KCNQ2: variants seen among roughly 807,000 people sequenced by gnomAD.
The protein encoded by KCNQ2 is potassium voltage-gated channel subfamily KQT member 2.
A neutral mutation model predicts 84.8 loss-of-function variants in KCNQ2; 14 were observed. That is an observed-to-expected ratio of 0.17 (90% CI 0.11 to 0.26). The LOEUF (loss-of-function observed/expected upper bound fraction) is 0.26, where lower values mean the gene tolerates loss of function less well. Ranked by LOEUF, KCNQ2 falls within the 10% of genes least tolerant of loss-of-function variation. KCNQ2 has a pLI of 1.00. For synonymous variants in KCNQ2, 599 were observed against 554.1 expected, an observed-to-expected ratio of 1.08 and a Z score of -1.14; for missense variants, 788 against 1,254.0, an observed-to-expected ratio of 0.63 and a Z score of 5.61.
At chr20:63,435,923 G>A (rs1247613432) in intron 7 of KCNQ2, among the ~76,000 whole-genome samples, 1 of 151,506 alleles carries the variant, frequency 6.6e-6, no homozygotes, top group Non-Finnish European at 1.5e-5. Flanking sequence ...GGCCACAGTG[G>A]TTCATCTCTG....
chr20:63,454,337 T>C (rs939970635), intron 1 of KCNQ2, among the ~76,000 whole-genome samples: 13 of 152,146 alleles, frequency 8.5e-5, no homozygotes, highest in African/African-American at 3.1e-4. Flanking sequence ...ACTTTTGTTT[T>C]TTAAGTTTTT....
intron 12 of KCNQ2, among the ~76,000 whole-genome samples, chr20:63,417,926 T>C (rs1489494164): frequency 1.3e-5 from 2 of 152,190 alleles, no homozygotes; most frequent in Non-Finnish European, 2.9e-5. Context: ...GGAAGGAGCC[T>C]GCCCTGGCCT....
At chr20:63,409,642 G>A (rs1036045300) in intron 15 of KCNQ2, among the ~76,000 whole-genome samples, 11 of 152,228 alleles carry the variant, frequency 7.2e-5, no homozygotes, top group African/African-American at 2.2e-4. Context: ...AAGCTCCCAA[G>A]TCTCCCCTGG....
chr20:63,432,369 T>C (rs139838207), intron 8 of KCNQ2, among the ~76,000 whole-genome samples: 2,634 of 86,658 alleles, frequency 0.03, 4 homozygotes, highest in Middle Eastern at 0.079. Context: ...CAGGGAAGGC[T>C]CCACCCTCTG....
intron 4 of KCNQ2, among the ~76,000 whole-genome samples, chr20:63,442,902 C>G (rs1253402984): frequency 8.2e-5 from 2 of 24,254 alleles, no homozygotes; most frequent in African/African-American, 1.6e-4. Context: ...ACCACCATCA[C>G]CACCACCATC....
chr20:63,446,878 G>C lies in KCNQ2; in HGVS notation c.297-41C>G, dbSNP rs748339693. 1.9e-6 allele frequency: 3 copies of C among 1,554,064 alleles called. No homozygotes were observed. In the South Asian group the frequency reaches 3.3e-5, roughly 17 times the overall value. ...GCGCGCTCTCAGACAGGCCGCAGCA[G>C]GGCAGCAGCATGGCTGTGTCTCCAG... On this transcript the variant is annotated intron_variant, in intron 1 of 16. Transcript: ENST00000359125. The surrounding 1 kb of genome is among the most constrained non-coding windows in gnomAD (Gnocchi z 5.5).
chr20:63,431,340 C>G lies in KCNQ2; in HGVS notation c.1148G>C (p.Arg383Thr). 6.2e-7 allele frequency: 1 copy of G among 1,613,690 alleles called. No homozygotes were observed. The highest frequency in any genetic ancestry group is 8.5e-7 in the Non-Finnish European group (1 of 1,179,832). ...SSQTQTYGAS[R>T]LIPPLNQLEL... Reference sequence around the variant, plus strand: ...GGGCTTCTGTCCATGCATTTCCTACCTGGAGGCCCCGTAGGTTTGAGTTTG... The same window carrying G: ...GGGCTTCTGTCCATGCATTTCCTACGTGGAGGCCCCGTAGGTTTGAGTTTG... The change falls in exon 9 of 17, where the codon AGA becomes ACA. Residue 383 changes from arginine (R) to threonine (T), a missense_variant and splice_region_variant. Coordinates refer to ENST00000359125, the MANE Select transcript of KCNQ2 (RefSeq NM_172107.4).
At chr20:63,462,978 T>C (rs1240059197) in intron 1 of KCNQ2, among the ~76,000 whole-genome samples, 3 of 151,910 alleles carry the variant, frequency 2.0e-5, no homozygotes, top group South Asian at 2.1e-4. Flanking sequence ...GGTACGGAGA[T>C]GGGGCAGCGC....
intron 7 of KCNQ2, among the ~76,000 whole-genome samples, chr20:63,436,848 C>T (rs1156514207): frequency 6.8e-6 from 1 of 146,846 alleles, no homozygotes; most frequent in Non-Finnish European, 1.5e-5. Flanking sequence ...GCAATCTCGG[C>T]TCACTGCAAC....
At chr20:63,462,529 C>A (rs567064830) in intron 1 of KCNQ2, among the ~76,000 whole-genome samples, 148 of 152,320 alleles carry the variant, frequency 9.7e-4, no homozygotes, top group African/African-American at 3.4e-3. Flanking sequence ...CCTGCACACA[C>A]CTTCTGTCTC....
chr20:63,426,833 C>T (rs1307012849), intron 10 of KCNQ2, among the ~76,000 whole-genome samples: 2 of 152,182 alleles, frequency 1.3e-5, no homozygotes, highest in East Asian at 1.9e-4. Flanking sequence ...CTCTTCAGGA[C>T]ACCTCAGTTT....
chr20:63,412,396 GCA>G (rs951253479), intron 15 of KCNQ2: 8 of 166,488 alleles, frequency 4.8e-5, no homozygotes, highest in Non-Finnish European at 9.0e-5. Context: ...AGGGCGTTCC[GCA>G]CACACACGCA....
intron 4 of KCNQ2, among the ~76,000 whole-genome samples, chr20:63,443,436 C>CCATCAT (rs2081315410): frequency 8.3e-5 from 5 of 60,258 alleles, no homozygotes; most frequent in Admixed American, 1.9e-4. Flanking sequence ...ATCACCATCA[C>CCATCAT]CATCACCACC....
chr20:63,462,344 T>C (rs1283567884), intron 1 of KCNQ2, among the ~76,000 whole-genome samples: 177 of 92,952 alleles, frequency 1.9e-3, no homozygotes, highest in Middle Eastern at 0.016. Context: ...GGAGGCTGCA[T>C]CTACCCCAGG....
At chr20:63,443,027 A>AT (rs1568935694) in intron 4 of KCNQ2, among the ~76,000 whole-genome samples, 1 of 29,388 alleles carries the variant, frequency 3.4e-5, no homozygotes, top group Non-Finnish European at 7.0e-5. Flanking sequence ...CACCACCATC[A>AT]CATCACCACC....
At chr20:63,451,401 C>T (rs564307270) in intron 1 of KCNQ2, among the ~76,000 whole-genome samples, 15 of 152,252 alleles carry the variant, frequency 9.9e-5, no homozygotes, top group Non-Finnish European at 1.8e-4. Flanking sequence ...CGGCAATATA[C>T]GGTCTGCAAC....
intron 8 of KCNQ2, among the ~76,000 whole-genome samples, chr20:63,432,718 T>C (rs527619066): frequency 9.3e-3 from 725 of 77,908 alleles, no homozygotes; most frequent in Non-Finnish European, 0.015. Flanking sequence ...GGCCCCACCC[T>C]CAGGGAAGGC....
At chr20:63,434,380 CTG>C (rs1294825640) in intron 7 of KCNQ2, 10 of 177,334 alleles carry the variant, frequency 5.6e-5, no homozygotes, top group African/African-American at 2.1e-4. Flanking sequence ...GTACGTCAGA[CTG>C]AACCTCGCCT....
In KCNQ2 at chr20:63,407,295, C is replaced by T. The variant is rs1245262343; in HGVS notation, c.1968G>A (p.Glu656=). 5 of 1,595,582 alleles carry T rather than the reference C, an allele frequency of 3.1e-6. No individual in the cohort carries two copies. Among genetic ancestry groups the T allele is most frequent in the Non-Finnish European group, 2.5e-6 (3 of 1,177,258 alleles). The change falls in exon 17 of 17, where the codon GAG becomes GAA. Residue 656 remains glutamate, a synonymous_variant. Transcript: ENST00000359125. This position sits in a 1 kb window ranked among gnomAD's most constrained non-coding sequence, Gnocchi z 7.2. ...CCGGCTCTTTGGCCCCAAAGTAGGC[C>T]TCGGTCTCTGTCGGGGGGATGCCCA... is the stretch of plus-strand genomic sequence containing the variant. The part of the protein sequence containing the change: ...QRMGIPPTET[E]AYFGAKEPEP...
Sources: allele counts gnomAD v4.1 joint callset (sites outside exome capture counted in the v4.1 genomes callset), GRCh38; gene constraint gnomAD v4.1.1; non-coding constraint Gnocchi (gnomAD v3.1); transcripts MANE v1.5; gene names NCBI Gene and HGNC (gene_info 2026-07-23, HGNC 2026-07-21).